The following CHL1 variants were observed in gnomAD, a reference collection of about 807,000 sequenced individuals.
The protein encoded by CHL1 is cell adhesion molecule L1 like, also known as neural cell adhesion molecule L1-like protein.
In CHL1, 96 loss-of-function variants were observed where a neutral mutation model predicts 141.9. The ratio of observed to expected loss-of-function variants is 0.68; its 90% confidence interval spans 0.57 to 0.80. The LOEUF is 0.80. Ranked by LOEUF, CHL1 falls within the 30% of genes least tolerant of loss-of-function variation. The pLI is 0.00. For missense variants in CHL1, 1,820 were observed against 1,457.2 expected (o/e 1.25, Z -4.05); for synonymous variants, 613 against 502.2 (o/e 1.22, Z -2.95).
chr3:377,220 T>C (rs998511278), intron 15 of CHL1, among the ~76,000 whole-genome samples: 3 of 152,144 alleles, frequency 2.0e-5, no homozygotes, highest in Non-Finnish European at 4.4e-5. Context: ...AAAAGTGAGG[T>C]GAAATGATTT....
At position 354,722 on chromosome 3, in the gene CHL1, A is replaced by G. The variant is rs139882036; in HGVS notation, c.1116A>G (p.Gly372=). Residue 372 remains glycine (G), a synonymous_variant, in exon 11 of 28, where the codon GGA becomes GGG. Coordinates refer to ENST00000256509, the MANE Select transcript of CHL1 (RefSeq NM_006614.4). ...SNGILLCEAE[G]EPQPTIKWRV... ...GCATCTTGTTATGTGAGGCTGAAGGAGAACCTCAACCCACAATCAAGTGGA... is the reference window on the plus strand; with the variant it reads ...GCATCTTGTTATGTGAGGCTGAAGGGGAACCTCAACCCACAATCAAGTGGA... 1 of 1,613,892 alleles carries G rather than the reference A, an allele frequency of 6.2e-7. No homozygotes were observed. The highest frequency in any genetic ancestry group is 1.3e-5 in the African/African-American group (1 of 74,926).
At chr3:314,749 C>A (rs1208543367) in intron 2 of CHL1, among the ~76,000 whole-genome samples, 2 of 151,882 alleles carry the variant, frequency 1.3e-5, no homozygotes. Flanking sequence ...TTTTCAGAGA[C>A]AGAGAGAAAG....
intron 1 of CHL1, among the ~76,000 whole-genome samples, chr3:226,006 C>CT (rs1362302940): frequency 2.1e-5 from 3 of 145,512 alleles, no homozygotes; most frequent in African/African-American, 7.7e-5. Context: ...GAGACTCTGT[C>CT]TAAAAAAAAG....
At chr3:341,405 C>G (rs1702337141) in intron 6 of CHL1, among the ~76,000 whole-genome samples, 1 of 152,182 alleles carries the variant, frequency 6.6e-6, no homozygotes, top group Non-Finnish European at 1.5e-5. Context: ...TGAAGCTACT[C>G]TTAGGTACAG....
chr3:221,701 A>G (rs944870305), intron 1 of CHL1, among the ~76,000 whole-genome samples: 4 of 152,236 alleles, frequency 2.6e-5, no homozygotes, highest in African/African-American at 9.6e-5. Flanking sequence ...CAATGTTCTT[A>G]TCAGTTCTGT....
Position 363,386 on chromosome 3 carries a change from A to T in CHL1, c.1585+3A>T, listed in dbSNP as rs990130922. On this transcript the variant is annotated splice_donor_region_variant and intron_variant, in intron 14 of 27. Transcript: ENST00000256509. ...CACAGCCAATTTGGATATTAGAAGTATTTTTATTTCACTGTTACTTTGCAT... is the reference window on the plus strand; with the variant it reads ...CACAGCCAATTTGGATATTAGAAGTTTTTTTATTTCACTGTTACTTTGCAT... The T allele has an allele frequency of 6.2e-7, 1 of 1,607,684 alleles. No individual in the cohort carries two copies. Among genetic ancestry groups the T allele is most frequent in the Non-Finnish European group, 8.5e-7 (1 of 1,177,198 alleles).
At chr3:345,322 TTA>T (rs55999437) in intron 9 of CHL1, among the ~76,000 whole-genome samples, 42,675 of 151,742 alleles carry the variant, frequency 0.28, 6,091 homozygotes, top group East Asian at 0.38. Context: ...GGAGCCCTAT[TTA>T]TATCTATTTT....
At chr3:297,365 G>A (rs1698287978) in intron 2 of CHL1, among the ~76,000 whole-genome samples, 1 of 152,168 alleles carries the variant, frequency 6.6e-6, no homozygotes. Flanking sequence ...AAATTAAAAT[G>A]CTATTATTAT....
At chr3:322,005 G>A (rs1185105511) in intron 3 of CHL1, among the ~76,000 whole-genome samples, 2 of 152,006 alleles carry the variant, frequency 1.3e-5, no homozygotes, top group East Asian at 3.9e-4. Flanking sequence ...AAAGAATAAT[G>A]TTCTAATAAA....
chr3:407,667 C>T lies in CHL1; in HGVS notation c.*1956C>T, dbSNP rs1419824975. ...GCTTGTGAGGAGGGCAAGGTTGTGA[C>T]GTTCGAGCTTAGTTCTGGTGTTATT... On this transcript the variant is annotated 3_prime_UTR_variant, in exon 28 of 28. Transcript: ENST00000256509. 2 of 152,100 alleles carry T rather than the reference C, an allele frequency of 1.3e-5. No homozygotes were observed. The highest frequency in any genetic ancestry group is 2.4e-5 in the African/African-American group (1 of 41,418). 9.4% of individuals were successfully genotyped at this position (152,100 alleles called of 1,614,324 possible).
At chr3:254,783 G>C (rs1332658597) in intron 2 of CHL1, among the ~76,000 whole-genome samples, 2 of 152,128 alleles carry the variant, frequency 1.3e-5, no homozygotes, top group African/African-American at 2.4e-5. Context: ...GCTAAATCCT[G>C]CATGAAGCCT....
intron 13 of CHL1, 109 bp downstream of exon 13, chr3:361,919 C>T: frequency 1.3e-6 from 1 of 741,394 alleles, no homozygotes; most frequent in South Asian, 1.6e-5. Context: ...GTTACATGTA[C>T]CCAGTACCTC....
At chr3:396,660 T>C (rs758318801) in intron 24 of CHL1, among the ~76,000 whole-genome samples, 1 of 152,092 alleles carries the variant, frequency 6.6e-6, no homozygotes, top group Non-Finnish European at 1.5e-5. Context: ...TTCACTGTCG[T>C]ATGTGTCAGG....
At chr3:213,191 C>A (rs1409055251) in intron 1 of CHL1, 1 of 152,144 alleles carries the variant, frequency 6.6e-6, no homozygotes, top group Non-Finnish European at 1.5e-5. Context: ...TTGAGACTTT[C>A]AACTTTTTAT....
At chr3:306,890 G>T (rs996189197) in intron 2 of CHL1, among the ~76,000 whole-genome samples, 1 of 152,124 alleles carries the variant, frequency 6.6e-6, no homozygotes, top group Non-Finnish European at 1.5e-5. Flanking sequence ...GTCACTACAA[G>T]ATCCTTAAGT....
chr3:311,632 G>A (rs573309163), intron 2 of CHL1, among the ~76,000 whole-genome samples: 1 of 152,290 alleles, frequency 6.6e-6, no homozygotes, highest in South Asian at 2.1e-4. Context: ...ACACAAACAG[G>A]TCTTACCCTC....
intron 2 of CHL1, among the ~76,000 whole-genome samples, chr3:264,981 G>A (rs774118862): frequency 2.2e-4 from 33 of 152,146 alleles, no homozygotes; most frequent in Non-Finnish European, 4.1e-4. Flanking sequence ...GTAAATTTGC[G>A]AATAATGATG....
At chr3:399,377 C>G (rs1304372383) in intron 26 of CHL1, among the ~76,000 whole-genome samples, 2 of 152,188 alleles carry the variant, frequency 1.3e-5, no homozygotes, top group African/African-American at 2.4e-5. Context: ...CGCAGTGGCT[C>G]ACGCCTGTAA....
chr3:322,645 A>AATATATATAT lies in CHL1; in HGVS notation c.91+2794_91+2803dup, dbSNP rs4002786. Among the ~76,000 whole-genome samples the AATATATATAT allele has an allele frequency of 1.4e-3, 187 of 130,192 alleles. No homozygotes were observed. In the Middle Eastern group the frequency reaches 0.023, roughly 16 times the overall value. The allele number at this position is 130,192 out of a possible 152,430, so 85.4% of individuals were successfully genotyped here. ...ATCTCTAAATTATATATATATATAA[A>AATATATATAT]ATATATATATATATATATATATATA... On this transcript the variant is annotated intron_variant, in intron 3 of 27. Transcript: ENST00000256509.
Sources: allele counts gnomAD v4.1 joint callset (sites outside exome capture counted in the v4.1 genomes callset), GRCh38; gene constraint gnomAD v4.1.1; transcripts MANE v1.5; gene names NCBI Gene and HGNC (gene_info 2026-07-23, HGNC 2026-07-21).